The following MYH9 variants were observed in gnomAD, a reference collection of about 807,000 sequenced individuals.
MYH9 encodes the protein myosin heavy chain 9, also known as myosin-9.
Under a neutral mutation model 241.9 loss-of-function variants are expected in MYH9, and 29 were observed. That is an observed-to-expected ratio of 0.12 (90% confidence interval 0.09 to 0.16). The LOEUF (loss-of-function observed/expected upper bound fraction) is 0.16. Among genes scored for constraint, MYH9 ranks in the 10% least tolerant of loss-of-function variants. The pLI is 1.00. For synonymous variants in MYH9, 1,047 were observed against 1,062.6 expected (o/e 0.99, Z 0.29); for missense variants, 1,803 against 2,595.5 (o/e 0.69, Z 6.63).
chr22:36,302,148 T>C (rs1417589424), intron 20 of MYH9, among the ~76,000 whole-genome samples: 1 of 152,204 alleles, frequency 6.6e-6, no homozygotes, highest in African/African-American at 2.4e-5. Context: ...AACACTAAAA[T>C]AGCTGCTGCT....
rs1175215205 is a variant in MYH9, at chr22:36,329,910, TAG to T, written c.491-2424_491-2423del. Among the ~76,000 whole-genome samples, 1 of 151,964 alleles carries T rather than the reference TAG, an allele frequency of 6.6e-6. No individual in the cohort carries two copies. The highest frequency in any genetic ancestry group is 1.9e-4 in the East Asian group (1 of 5,158). On this transcript the variant is annotated intron_variant, in intron 3 of 40. Transcript: ENST00000216181. This position sits in a 1 kb window ranked among gnomAD's most constrained non-coding sequence, Gnocchi z 4.1. Reference sequence around the variant, plus strand: ...ACACACGTGTGCAAAGCCATATACATAGATCCACACAAGGCACACAGCTGCAC... The same window carrying T: ...ACACACGTGTGCAAAGCCATATACATATCCACACAAGGCACACAGCTGCAC...
At chr22:36,369,567 C>A (rs1440451057) in intron 1 of MYH9, among the ~76,000 whole-genome samples, 2 of 152,180 alleles carry the variant, frequency 1.3e-5, no homozygotes, top group African/African-American at 2.4e-5. Flanking sequence ...CTCACACCAG[C>A]CTGCCAGCCT....
intron 24 of MYH9, 38 bp from the exon 25 acceptor site, chr22:36,297,052 A>T: frequency 1.2e-6 from 2 of 1,607,500 alleles, no homozygotes; most frequent in South Asian, 1.1e-5. Context: ...CCTCAGTGCC[A>T]TGGGTTCTGT....
chr22:36,367,325 G>A (rs781524978), intron 1 of MYH9, among the ~76,000 whole-genome samples: 5 of 152,080 alleles, frequency 3.3e-5, no homozygotes, highest in Non-Finnish European at 5.9e-5. Context: ...TGGACTCCAG[G>A]AACAAGAAGC....
Position 36,289,300 on chromosome 22 carries a change from G to C in MYH9, c.4345-3C>G. 1 of 1,606,348 alleles carries C rather than the reference G, an allele frequency of 6.2e-7. No homozygotes were observed. The highest frequency in any genetic ancestry group is 8.5e-7 in the Non-Finnish European group (1 of 1,177,442). On this transcript the variant is annotated splice_polypyrimidine_tract_variant and splice_region_variant and intron_variant, in intron 31 of 40. Coordinates refer to ENST00000216181, the MANE Select transcript of MYH9 (RefSeq NM_002473.6). Reference sequence around the variant, plus strand: ...ATGGTCTTCTCCTCCGCCAGGAGCTGGGAAAGAGGTGGGCACCATGAGGCT... The same window carrying C: ...ATGGTCTTCTCCTCCGCCAGGAGCTCGGAAAGAGGTGGGCACCATGAGGCT...
At chr22:36,327,509 G>A (rs910851609) in intron 3 of MYH9, 21 bp from the exon 4 acceptor site, 8 of 1,613,776 alleles carry the variant, frequency 5.0e-6, no homozygotes, top group Non-Finnish European at 5.9e-6. Context: ...GAAGACATCA[G>A]ATTAACTCCC....
rs372271101 is a variant in MYH9 at position 36,320,736 on chromosome 22, A to G, written c.868+62T>C. On this transcript the variant is annotated intron_variant, in intron 8 of 40. Transcript: ENST00000216181. This position sits in a 1 kb window ranked among gnomAD's most constrained non-coding sequence, Gnocchi z 4.8. The stretch of plus-strand genomic sequence containing the variant: ...ATTTCCCAAATGATGTCTACGGTCC[A>G]ATTCTGGCAAGAGGCCCAGAGCCCG... 1.4e-6 allele frequency: 2 copies of G among 1,418,116 alleles called. No individual in the cohort carries two copies. The allele number at this position is 1,418,116 out of a possible 1,614,324, so 87.8% of individuals were successfully genotyped here.
At position 36,298,947 on chromosome 22, in the gene MYH9, C is replaced by T; in HGVS notation, c.3072G>A (p.Lys1024=). 6.2e-7 allele frequency: 1 copy of T among 1,614,170 alleles called. No homozygotes were observed. Among genetic ancestry groups the T allele is most frequent in the Non-Finnish European group, 8.5e-7 (1 of 1,180,022 alleles). ...KSKSLAKLKN[K]HEAMITDLEE... ...CCAAGTCAGTGATCATTGCCTCATG[C>T]TTGTTCTTGAGCTTGGCGAGGCTCT... Residue 1024 remains lysine, a synonymous_variant, in exon 24 of 41, where the codon AAG becomes AAA. Coordinates refer to ENST00000216181, the MANE Select transcript of MYH9 (RefSeq NM_002473.6).
At chr22:36,370,755 G>A (rs1371537422) in intron 1 of MYH9, among the ~76,000 whole-genome samples, 1 of 151,898 alleles carries the variant, frequency 6.6e-6, no homozygotes, top group Non-Finnish European at 1.5e-5. Context: ...AGCCAGGGCA[G>A]CCCCCACCCA....
In MYH9 at chr22:36,284,598, G is replaced by A. The variant is rs924390480; in HGVS notation, c.5484-87C>T. 3.4e-5 allele frequency: 43 copies of A among 1,261,150 alleles called. No homozygotes were observed. In the Middle Eastern group the frequency reaches 5.6e-4, roughly 16 times the overall value. 78.1% of individuals were successfully genotyped at this position (1,261,150 alleles called of 1,614,324 possible). A position where few individuals can be genotyped will look rare whatever the true frequency, so the allele number is the denominator to read the frequency against. ...CCCTAACCAGGACCACCCATTCCCC[G>A]GGGCTCACTGGCATCTAGGGATCAC... On this transcript the variant is annotated intron_variant, in intron 38 of 40. Coordinates refer to ENST00000216181, the MANE Select transcript of MYH9 (RefSeq NM_002473.6).
intron 2 of MYH9, among the ~76,000 whole-genome samples, chr22:36,344,267 A>G (rs1603483927): frequency 6.6e-6 from 1 of 152,238 alleles, no homozygotes; most frequent in East Asian, 1.9e-4. Context: ...CACAGGCCAC[A>G]GAGGCTCTTT....
In MYH9 at chr22:36,329,305, G is replaced by A. The variant is rs1387816646; in HGVS notation, c.491-1817C>T. Among the ~76,000 whole-genome samples, 1 of 152,192 alleles carries A rather than the reference G, an allele frequency of 6.6e-6. No homozygotes were observed. The highest frequency in any genetic ancestry group is 1.5e-5 in the Non-Finnish European group (1 of 68,034). On this transcript the variant is annotated intron_variant, in intron 3 of 40. Coordinates refer to ENST00000216181, the MANE Select transcript of MYH9 (RefSeq NM_002473.6). This position sits in a 1 kb window ranked among gnomAD's most constrained non-coding sequence, Gnocchi z 4.1. ...CACGAGTCCTTCAAGCCTGCACAGC[G>A]AGGACAGAGATTAGAGACCTGCATC...
At chr22:36,302,364 A>G in intron 20 of MYH9, 1 of 511,920 alleles carries the variant, frequency 2.0e-6, no homozygotes, top group East Asian at 3.5e-5. Flanking sequence ...AAAATCAAAA[A>G]GGGCCGGGCA....
At chr22:36,316,810 C>T (rs1434301121) in intron 11 of MYH9, 141 bp from the exon 12 acceptor site, 3 of 887,968 alleles carry the variant, frequency 3.4e-6, no homozygotes, top group African/African-American at 1.7e-5. Context: ...AAAAAATCTT[C>T]GTACACAAAT....
chr22:36,334,273 G>A (rs1293334256), intron 3 of MYH9, among the ~76,000 whole-genome samples: 2 of 152,198 alleles, frequency 1.3e-5, no homozygotes, highest in East Asian at 3.9e-4. Context: ...CAGCCAGCTC[G>A]CATCAGCTCG....
intron 3 of MYH9, among the ~76,000 whole-genome samples, chr22:36,333,460 C>A (rs1339987212): frequency 6.6e-6 from 1 of 152,146 alleles, no homozygotes; most frequent in African/African-American, 2.4e-5. Context: ...AATCCCAAAG[C>A]CAGGTGGGAA....
chr22:36,294,036 G>A, intron 28 of MYH9, 56 bp downstream of exon 28: 1 of 1,588,092 alleles, frequency 6.3e-7, no homozygotes, highest in South Asian at 1.1e-5. Flanking sequence ...GGGGACCTGG[G>A]CCACAACTGC....
chr22:36,311,265 A>T (rs1386970580), intron 14 of MYH9, among the ~76,000 whole-genome samples: 3 of 152,222 alleles, frequency 2.0e-5, no homozygotes, highest in African/African-American at 7.2e-5. Flanking sequence ...CAGACTGGGA[A>T]GATGTCTGCT....
intron 24 of MYH9, among the ~76,000 whole-genome samples, chr22:36,297,781 C>T (rs1463302001): frequency 6.6e-6 from 1 of 152,226 alleles, no homozygotes. Flanking sequence ...GCATCCTGCT[C>T]ACTCTCAGTG....
Sources: gnomAD v4.1 joint callset for allele counts (sites outside exome capture counted in the v4.1 genomes callset) on GRCh38, gnomAD v4.1.1 for gene constraint, Gnocchi (gnomAD v3.1) non-coding constraint, MANE v1.5 for transcripts, NCBI Gene and HGNC (gene_info 2026-07-23, HGNC 2026-07-21) for gene names.